Variants in TPRX1 observed in about 807,000 individuals in gnomAD.
TPRX1 encodes the protein tetrapeptide repeat homeobox 1.
Under a neutral mutation model 8.1 loss-of-function variants are expected in TPRX1, and 2 were observed. The observed-to-expected ratio is 0.25, with a 90% CI of 0.10 to 0.78. TPRX1 has a LOEUF of 0.78. Ranked by LOEUF, TPRX1 falls within the 30% of genes least tolerant of loss-of-function variation. TPRX1 has a pLI of 0.70. For missense variants in TPRX1, 517 were observed against 586.9 expected (o/e 0.88, Z 1.23); for synonymous variants, 257 against 254.1 (o/e 1.01, Z -0.11).
chr19:47,817,739 G>T (rs1967857006), intron 2 of TPRX1, among the ~76,000 whole-genome samples: 1 of 152,216 alleles, frequency 6.6e-6, no homozygotes, highest in South Asian at 2.1e-4. Context: ...CTTTGCAGAG[G>T]AGGAAACTGA....
chr19:47,812,024 G>A (rs989037507), intron 2 of TPRX1, among the ~76,000 whole-genome samples: 2 of 151,394 alleles, frequency 1.3e-5, no homozygotes, highest in South Asian at 2.1e-4. Flanking sequence ...CTGCCACCAC[G>A]CCCGGCTAAT....
chr19:47,815,082 A>C (rs1026041586), intron 2 of TPRX1, among the ~76,000 whole-genome samples: 2 of 136,790 alleles, frequency 1.5e-5, no homozygotes, highest in Admixed American at 7.8e-5. Context: ...TACAGGTGTG[A>C]GTCATTGTGC....
chr19:47,815,851 G>A (rs958422767), intron 2 of TPRX1, among the ~76,000 whole-genome samples: 1 of 151,748 alleles, frequency 6.6e-6, no homozygotes, highest in African/African-American at 2.4e-5. Context: ...AATACAGTAA[G>A]TAGCAATAGA....
At position 47,811,153 on chromosome 19, in the gene TPRX1, G is replaced by A. The variant is rs548876183; in HGVS notation, c.151+7315C>T. Reference sequence around the variant, plus strand: ...AGAGTAGCTGGGATTACAGGCGCCCGCCACCATGCTTGGCTAATTTTTGTA... The same window carrying A: ...AGAGTAGCTGGGATTACAGGCGCCCACCACCATGCTTGGCTAATTTTTGTA... On this transcript the variant is annotated intron_variant, in intron 2 of 3. Transcript: ENST00000535759. Among the ~76,000 whole-genome samples, 10 of 151,508 alleles carry A rather than the reference G, an allele frequency of 6.6e-5. No individual in the cohort carries two copies. In the East Asian group the frequency reaches 1.8e-3, roughly 27 times the overall value.
At chr19:47,816,588 G>A (rs1012118753) in intron 2 of TPRX1, among the ~76,000 whole-genome samples, 33 of 146,118 alleles carry the variant, frequency 2.3e-4, no homozygotes, top group East Asian at 4.1e-4. Context: ...GCTGGAGTGC[G>A]GTGGCACAAT....
At position 47,818,323 on chromosome 19, in the gene TPRX1, A is replaced by C. The variant is rs868741337; in HGVS notation, c.151+145T>G. ...CCACCCATCCATCACCCATCCATCC[A>C]TCCATCCATCCATCCATCATCCATC... On this transcript the variant is annotated intron_variant, in intron 2 of 3. Transcript: ENST00000535759. 6 of 295,292 alleles carry C rather than the reference A, an allele frequency of 2.0e-5. 1 individual carries two copies. The highest frequency in any genetic ancestry group is 1.8e-4 in the African/African-American group (4 of 22,618). 18.3% of individuals were successfully genotyped at this position (295,292 alleles called of 1,614,324 possible).
intron 3 of TPRX1, 38 bp downstream of exon 2, chr19:47,803,466 G>A (rs1398996380): frequency 1.5e-5 from 20 of 1,362,652 alleles, no homozygotes; most frequent in Non-Finnish European, 7.1e-6. Flanking sequence ...GGCTCCTTGG[G>A]GTGACTGGGG....
intron 1 of TPRX1, chr19:47,818,568 C>T: frequency 8.8e-6 from 4 of 455,990 alleles, no homozygotes; most frequent in South Asian, 6.2e-5. Context: ...AACAAGATGT[C>T]AGTAAGAGTT....
At chr19:47,817,897 CCT>C (rs1237586195) in intron 2 of TPRX1, among the ~76,000 whole-genome samples, 3 of 152,362 alleles carry the variant, frequency 2.0e-5, no homozygotes, top group Admixed American at 1.3e-4. Context: ...GCCCTGCCAG[CCT>C]CTCTCTGCCG....
intron 2 of TPRX1, among the ~76,000 whole-genome samples, chr19:47,812,322 C>T (rs887728235): frequency 4.6e-5 from 7 of 152,166 alleles, no homozygotes; most frequent in South Asian, 2.1e-4. Flanking sequence ...ATAGGCTGGG[C>T]GCTATGGCTC....
chr19:47,813,504 G>A (rs376918774), intron 2 of TPRX1, among the ~76,000 whole-genome samples: 2 of 152,284 alleles, frequency 1.3e-5, no homozygotes, highest in South Asian at 2.1e-4. Flanking sequence ...TCCGGTGACC[G>A]TGGCGGCGAG....
At chr19:47,810,146 T>G (rs1187924648) in intron 2 of TPRX1, among the ~76,000 whole-genome samples, 1 of 147,100 alleles carries the variant, frequency 6.8e-6, no homozygotes, top group East Asian at 2.1e-4. Flanking sequence ...TCCCAGCTAC[T>G]TGGGAGGCTG....
At chr19:47,806,862 G>C (rs1270019401) in intron 2 of TPRX1, among the ~76,000 whole-genome samples, 1 of 152,052 alleles carries the variant, frequency 6.6e-6, no homozygotes. Context: ...AAAATTGACT[G>C]TAGTGAAGGA....
chr19:47,814,724 C>T (rs1034183124), intron 2 of TPRX1, among the ~76,000 whole-genome samples: 32 of 152,228 alleles, frequency 2.1e-4, no homozygotes, highest in East Asian at 1.9e-3. Context: ...TGGGGTCTAC[C>T]TCTGATGTGA....
chr19:47,802,622 G>A (rs550437491), exon 4 of TPRX1: 3 of 1,551,456 alleles, frequency 1.9e-6, no homozygotes, highest in Non-Finnish European at 2.6e-6. Context: ...GGCTGGGATC[G>A]GGCTTGGGAT....
chr19:47,807,574 T>A (rs1445695557), intron 2 of TPRX1, among the ~76,000 whole-genome samples: 1 of 152,104 alleles, frequency 6.6e-6, no homozygotes, highest in Non-Finnish European at 1.5e-5. Context: ...GGTTTCACCA[T>A]GTTAGCCAGG....
chr19:47,813,673 G>A (rs1044469030), intron 2 of TPRX1, among the ~76,000 whole-genome samples: 4 of 151,728 alleles, frequency 2.6e-5, no homozygotes. Context: ...GGGTCCCAGT[G>A]TGTGAGTTGC....
chr19:47,810,993 GTT>G (rs71334234), intron 2 of TPRX1, among the ~76,000 whole-genome samples: 1 of 137,600 alleles, frequency 7.3e-6, no homozygotes. Context: ...CTTGCTCTCT[GTT>G]TTTTTTTTTT....
chr19:47,817,423 C>T (rs534374691), intron 2 of TPRX1, among the ~76,000 whole-genome samples: 8 of 152,190 alleles, frequency 5.3e-5, no homozygotes, highest in African/African-American at 1.7e-4. Flanking sequence ...GCACCTGCCC[C>T]GGAGCCTGTG....
Sources: allele counts gnomAD v4.1 joint callset (sites outside exome capture counted in the v4.1 genomes callset), GRCh38; gene constraint gnomAD v4.1.1; transcripts MANE v1.5; gene names NCBI Gene and HGNC (gene_info 2026-07-23, HGNC 2026-07-21).